Variants in XPO7 observed in about 807,000 individuals in gnomAD.
The protein encoded by XPO7 is exportin-7.
A neutral mutation model predicts 144.3 loss-of-function variants in XPO7; 21 were observed. The observed-to-expected ratio is 0.15, with a 90% CI of 0.10 to 0.21. The LOEUF (loss-of-function observed/expected upper bound fraction) is 0.21, where lower values mean the gene tolerates loss of function less well. Among genes scored for constraint, XPO7 ranks in the 10% least tolerant of loss-of-function variants. The probability of loss-of-function intolerance (pLI) is 1.00; values close to 1 mark genes in which losing one functional copy is unlikely to be tolerated. For missense variants in XPO7, 808 were observed against 1,325.8 expected (o/e 0.61, Z 6.06); for synonymous variants, 580 against 499.6 (o/e 1.16, Z -2.15).
intron 1 of XPO7, among the ~76,000 whole-genome samples, chr8:21,950,624 T>G (rs568727536): frequency 1.1e-3 from 162 of 152,302 alleles, no homozygotes; most frequent in African/African-American, 3.9e-3. Flanking sequence ...TGAATTCAAA[T>G]TGATGTATCT....
chr8:21,944,392 A>G (rs1316222659), intron 1 of XPO7, among the ~76,000 whole-genome samples: 1 of 152,044 alleles, frequency 6.6e-6, no homozygotes, highest in African/African-American at 2.4e-5. Context: ...ACGTGGTGAA[A>G]CCCCATGTCT....
chr8:21,935,228 A>AT lies in XPO7; in HGVS notation c.18+15443dup, dbSNP rs529057131. On this transcript the variant is annotated intron_variant, in intron 1 of 27. Transcript: ENST00000252512. ...GCCAGGCATCTAAAAGGACTTTTATATTTAAATAGCAGCTGTAGATGTTTG... is the reference window on the plus strand; with the variant it reads ...GCCAGGCATCTAAAAGGACTTTTATATTTTAAATAGCAGCTGTAGATGTTTG... Among the ~76,000 whole-genome samples the AT allele has an allele frequency of 1.2e-3, 179 of 152,346 alleles. 1 individual carries two copies. The highest frequency in any genetic ancestry group is 2.2e-3 in the Non-Finnish European group (151 of 68,026).
chr8:21,966,269 AAG>A (rs746149042), intron 1 of XPO7: 2 of 780,176 alleles, frequency 2.6e-6, no homozygotes, highest in African/African-American at 3.4e-5. Flanking sequence ...AGTGCAACAG[AAG>A]AGAGTCTGCT....
In XPO7 at chr8:22,001,557, A is replaced by G. The variant is rs146301802; in HGVS notation, c.2783-555A>G. On this transcript the variant is annotated intron_variant, in intron 24 of 27. Transcript: ENST00000252512. ...TAATACAGCATACCGTGTTCTAACA[A>G]ACCATAAACATTCAGGGGCTACGTC... Among the ~76,000 whole-genome samples the G allele has an allele frequency of 4.6e-3, 705 of 152,302 alleles. 7 individuals are homozygous for G. The highest frequency in any genetic ancestry group is 0.016 in the African/African-American group (671 of 41,554).
At chr8:21,989,333 GA>G (rs1477479327) in intron 16 of XPO7, among the ~76,000 whole-genome samples, 1 of 152,226 alleles carries the variant, frequency 6.6e-6, no homozygotes, top group Non-Finnish European at 1.5e-5. Context: ...CTAAGTTCCA[GA>G]AGTGCATAGT....
At chr8:21,953,656 A>G (rs1467258106) in intron 1 of XPO7, among the ~76,000 whole-genome samples, 1 of 152,164 alleles carries the variant, frequency 6.6e-6, no homozygotes, top group East Asian at 1.9e-4. Context: ...GTTGTTCCAC[A>G]TCTTTGCCAT....
intron 1 of XPO7, among the ~76,000 whole-genome samples, chr8:21,926,364 CAGAA>C (rs1277870336): frequency 3.3e-5 from 5 of 152,096 alleles, no homozygotes; most frequent in Non-Finnish European, 5.9e-5. Flanking sequence ...TGTGCAGTCT[CAGAA>C]AGAACTGAGA....
intron 1 of XPO7, among the ~76,000 whole-genome samples, chr8:21,928,559 A>G (rs1810537557): frequency 6.6e-6 from 1 of 152,156 alleles, no homozygotes; most frequent in Non-Finnish European, 1.5e-5. Flanking sequence ...AACATTTAGT[A>G]TTGTCATTCT....
intron 1 of XPO7, among the ~76,000 whole-genome samples, chr8:21,961,067 T>C (rs575372073): frequency 5.3e-5 from 8 of 152,258 alleles, no homozygotes; most frequent in African/African-American, 1.4e-4. Flanking sequence ...AATTAAGAAA[T>C]GAAACATCCA....
At chr8:21,982,339 G>T (rs1297100902) in intron 10 of XPO7, among the ~76,000 whole-genome samples, 1 of 152,104 alleles carries the variant, frequency 6.6e-6, no homozygotes, top group African/African-American at 2.4e-5. Context: ...GAGCCTTGGT[G>T]TTTCTAACAA....
chr8:21,973,581 C>T (rs1008967148), intron 5 of XPO7, among the ~76,000 whole-genome samples: 1 of 152,104 alleles, frequency 6.6e-6, no homozygotes, highest in East Asian at 1.9e-4. Flanking sequence ...TACTTAGAAC[C>T]TAGAAATAAA....
intron 2 of XPO7, among the ~76,000 whole-genome samples, chr8:21,968,029 C>T (rs1253019980): frequency 2.0e-5 from 3 of 152,096 alleles, no homozygotes; most frequent in Admixed American, 1.3e-4. Flanking sequence ...TTTCCTAATC[C>T]TCAAACAGCT....
chr8:21,947,739 A>C (rs1011495044), intron 1 of XPO7, among the ~76,000 whole-genome samples: 2 of 152,346 alleles, frequency 1.3e-5, no homozygotes, highest in Non-Finnish European at 2.9e-5. Context: ...TTAAGAACGT[A>C]TATTCATCAA....
At chr8:21,947,064 C>T (rs1563316775) in intron 1 of XPO7, among the ~76,000 whole-genome samples, 1 of 152,074 alleles carries the variant, frequency 6.6e-6, no homozygotes. Flanking sequence ...AGGAAAATGC[C>T]ATAGAAGTGT....
rs1398449411 is a variant in XPO7 at position 22,005,048 on chromosome 8, A to T, written c.3224A>T (p.Asn1075Ile). The change falls in exon 28 of 28, where the codon AAT becomes ATT. Residue 1075 changes from asparagine (N) to isoleucine (I), a missense_variant. Asn to Ile is a moderately radical substitution (Grantham distance 149, BLOSUM62 -3). Coordinates refer to ENST00000252512, the MANE Select transcript of XPO7 (RefSeq NM_015024.5). ...CGAGAAGTCAACGACTCAATGAAGAATTCCACTTATGGCGTGAATAGCAAT... is the reference window on the plus strand; with the variant it reads ...CGAGAAGTCAACGACTCAATGAAGATTTCCACTTATGGCGTGAATAGCAAT... ...FRREVNDSMK[N>I]STYGVNSNDM... The T allele has an allele frequency of 6.2e-7, 1 of 1,613,400 alleles. No individual in the cohort carries two copies. Among genetic ancestry groups the T allele is most frequent in the South Asian group, 1.1e-5 (1 of 91,004 alleles).
At chr8:21,981,062 A>G (rs1483371167) in intron 9 of XPO7, among the ~76,000 whole-genome samples, 2 of 152,172 alleles carry the variant, frequency 1.3e-5, no homozygotes, top group Admixed American at 1.3e-4. Context: ...TCATTCAACA[A>G]ATTACATTGA....
rs137890021 is a variant in XPO7 at position 21,929,122 on chromosome 8, C to T, written c.18+9334C>T. 8.4e-3 allele frequency among the ~76,000 whole-genome samples: 1,282 copies of T among 152,304 alleles called. 9 individuals carry two copies. Among genetic ancestry groups the T allele is most frequent in the South Asian group, 0.026 (127 of 4,826 alleles). ...AGTTGTACCAACCACATTTCAAGTG[C>T]TCAGTAGCCACATGAGGCTAATAGC... On this transcript the variant is annotated intron_variant, in intron 1 of 27. Transcript: ENST00000252512.
rs184386609 is a variant in XPO7, at chr8:21,935,413, A to C, written c.18+15625A>C. 4.6e-5 allele frequency among the ~76,000 whole-genome samples: 7 copies of C among 152,316 alleles called. No homozygotes were observed. In the East Asian group the frequency reaches 1.3e-3, roughly 29 times the overall value. The stretch of plus-strand genomic sequence containing the variant: ...AAACTAATTGGAAATTAATTTGGAC[A>C]TTTTGCCTAAAGTCCTACAAATAGT... On this transcript the variant is annotated intron_variant, in intron 1 of 27. Transcript: ENST00000252512.
At chr8:21,956,329 A>G (rs187799519) in intron 1 of XPO7, among the ~76,000 whole-genome samples, 1 of 152,312 alleles carries the variant, frequency 6.6e-6, no homozygotes, top group African/African-American at 2.4e-5. Flanking sequence ...TCTCTCTGCT[A>G]AAAGCAGCAT....
Sources: gnomAD v4.1 joint callset for allele counts (sites outside exome capture counted in the v4.1 genomes callset) on GRCh38, gnomAD v4.1.1 for gene constraint, MANE v1.5 for transcripts, NCBI Gene and HGNC (gene_info 2026-07-23, HGNC 2026-07-21) for gene names.